SH3GLB2: variants seen among roughly 807,000 people sequenced by gnomAD.
SH3GLB2 encodes endophilin-B2.
Under a neutral mutation model 48.0 loss-of-function variants are expected in SH3GLB2, and 24 were observed. The ratio of observed to expected loss-of-function variants is 0.50; its 90% confidence interval spans 0.36 to 0.70. The LOEUF is 0.70. Ranked by LOEUF, SH3GLB2 falls within the 30% of genes least tolerant of loss-of-function variation. The probability of loss-of-function intolerance (pLI) is 0.00; values close to 1 mark genes in which losing one functional copy is unlikely to be tolerated. For missense variants in SH3GLB2, 425 were observed against 516.0 expected (o/e 0.82, Z 1.71); for synonymous variants, 227 against 207.6 (o/e 1.09, Z -0.80).
chr9:129,022,251 T>C (rs1588335143), intron 2 of SH3GLB2, 31 bp downstream of exon 2: 3 of 1,608,914 alleles, frequency 1.9e-6, no homozygotes, highest in Non-Finnish European at 2.5e-6. Flanking sequence ...CACGACTACA[T>C]CCCTCCCCGG....
chr9:129,010,034 TG>T, intron 8 of SH3GLB2, 85 bp downstream of exon 8: 2 of 1,460,074 alleles, frequency 1.4e-6, no homozygotes, highest in South Asian at 1.2e-5. Flanking sequence ...AGGGCCATTC[TG>T]GGGCAGCCCT....
intron 9 of SH3GLB2, 185 bp downstream of exon 9, chr9:129,009,586 G>A: frequency 6.6e-7 from 1 of 1,524,300 alleles, no homozygotes; most frequent in Admixed American, 2.0e-5. Context: ...CAGGGGACTT[G>A]GCCGTCAGTA....
At chr9:129,008,934 C>T in intron 10 of SH3GLB2, 143 bp from the exon 11 acceptor site, 1 of 1,319,208 alleles carries the variant, frequency 7.6e-7, no homozygotes, top group Non-Finnish European at 1.0e-6. Flanking sequence ...CTCACTTGCT[C>T]CAGAGACCCA....
chr9:129,026,848 G>A (rs1200573735), intron 1 of SH3GLB2, among the ~76,000 whole-genome samples: 4 of 152,212 alleles, frequency 2.6e-5, no homozygotes, highest in South Asian at 4.1e-4. Context: ...CTAGGGCTGG[G>A]GCTGCCCACC....
chr9:129,022,255 TCCCCG>T (rs772777458), intron 2 of SH3GLB2, 22 bp downstream of exon 2: 2 of 1,609,764 alleles, frequency 1.2e-6, no homozygotes, highest in East Asian at 2.2e-5. Flanking sequence ...ACTACATCCC[TCCCCG>T]GGCCCACGAA....
At position 129,028,184 on chromosome 9, in the gene SH3GLB2, C is replaced by A. The variant is rs766541874; in HGVS notation, c.-30G>T. ...TGCCCGCACGGCCGCCGCGCACGGC[C>A]CGAGCGCAGCCGGCAGCCCCCGGCC... On this transcript the variant is annotated 5_prime_UTR_variant, in exon 1 of 11. Coordinates refer to ENST00000372564, the MANE Select transcript of SH3GLB2 (RefSeq NM_020145.4). The A allele has an allele frequency of 7.5e-7, 1 of 1,327,244 alleles. No individual in the cohort carries two copies. The highest frequency in any genetic ancestry group is 9.7e-7 in the Non-Finnish European group (1 of 1,033,470). 82.2% of individuals were successfully genotyped at this position (1,327,244 alleles called of 1,614,324 possible). A position where few individuals can be genotyped will look rare whatever the true frequency, so the allele number is the denominator to read the frequency against.
At chr9:129,025,084 T>G (rs1277514234) in intron 1 of SH3GLB2, among the ~76,000 whole-genome samples, 1 of 149,998 alleles carries the variant, frequency 6.7e-6, no homozygotes, top group Non-Finnish European at 1.5e-5. Flanking sequence ...GAGACCAGCC[T>G]GGCTAACATA....
rs552504337 is a variant in SH3GLB2 at position 129,014,703 on chromosome 9, G to A, written c.468+68C>T. ...TAGCCCCAGCACTGGAAGAGAGCCT[G>A]TACTCAAAGGCTCTGAGGAGGGAAC... is the stretch of plus-strand genomic sequence containing the variant. On this transcript the variant is annotated intron_variant, in intron 4 of 10. Coordinates refer to ENST00000372564, the MANE Select transcript of SH3GLB2 (RefSeq NM_020145.4). This position sits in a 1 kb window ranked among gnomAD's most constrained non-coding sequence, Gnocchi z 4.1. The A allele has an allele frequency of 2.5e-6, 4 of 1,568,804 alleles. No individual in the cohort carries two copies. Among genetic ancestry groups the A allele is most frequent in the Middle Eastern group, 2.0e-4 (1 of 4,990 alleles).
rs573945738 is a variant in SH3GLB2 at position 129,014,329 on chromosome 9, A to G, written c.561+82T>C. The G allele has an allele frequency of 3.8e-6, 5 of 1,309,306 alleles. No individual in the cohort carries two copies. The East Asian group carries it at 1.3e-4, about 33-fold the overall frequency. 81.1% of individuals were successfully genotyped at this position (1,309,306 alleles called of 1,614,324 possible). On this transcript the variant is annotated intron_variant, in intron 5 of 10. Transcript: ENST00000372564. This position sits in a 1 kb window ranked among gnomAD's most constrained non-coding sequence, Gnocchi z 4.1. ...GGAGAGGGGAGAGAGGTCATGCCAA[A>G]TACCAGGTCCCTTCATGCCACCACC...
chr9:129,009,086 C>T lies in SH3GLB2; in HGVS notation c.1080+20G>A, dbSNP rs1842928547. On this transcript the variant is annotated intron_variant, in intron 10 of 10. Transcript: ENST00000372564. ...CCTCACCCAGCCCATTCCTGCCCCA[C>T]CTTGCGGCACCGGGCCCACCTCATC... The T allele has an allele frequency of 1.2e-6, 2 of 1,604,970 alleles. No homozygotes were observed. Among genetic ancestry groups the T allele is most frequent in the East Asian group, 2.2e-5 (1 of 44,890 alleles).
rs1785996189 is a variant in SH3GLB2, at chr9:129,014,690, T to C, written c.468+81A>G. ...CTCAGGAGTTTTGTAGCCCCAGCAC[T>C]GGAAGAGAGCCTGTACTCAAAGGCT... On this transcript the variant is annotated intron_variant, in intron 4 of 10. Transcript: ENST00000372564. This position sits in a 1 kb window ranked among gnomAD's most constrained non-coding sequence, Gnocchi z 4.1. 3.2e-6 allele frequency: 5 copies of C among 1,558,676 alleles called. No individual in the cohort carries two copies. The highest frequency in any genetic ancestry group is 2.4e-5 in the South Asian group (2 of 83,360).
intron 1 of SH3GLB2, among the ~76,000 whole-genome samples, chr9:129,026,462 C>G (rs1336983082): frequency 6.6e-6 from 1 of 152,166 alleles, no homozygotes; most frequent in African/African-American, 2.4e-5. Context: ...TGCTGGAGTC[C>G]GAGGCTGCTC....
chr9:129,010,813 C>G (rs115810197), intron 6 of SH3GLB2, 120 bp from the exon 7 acceptor site: 17 of 1,265,900 alleles, frequency 1.3e-5, no homozygotes, highest in Admixed American at 2.2e-5. Context: ...CCCTCTGCCC[C>G]CCCTCCCAAA....
Position 129,007,212 on chromosome 9 carries a change from CTGATGGA to C in SH3GLB2, c.*1465_*1471del. 2 of 152,354 alleles carry C rather than the reference CTGATGGA, an allele frequency of 1.3e-5. No individual in the cohort carries two copies. The highest frequency in any genetic ancestry group is 4.1e-4 in the South Asian group (2 of 4,824). 9.4% of individuals were successfully genotyped at this position (152,354 alleles called of 1,614,324 possible). Reference sequence around the variant, plus strand: ...CTGCAGCCTCGGGGGAAGGCAGGTACTGATGGATGGCTAGTTCACCAGCATCTCCTCA... The same window carrying C: ...CTGCAGCCTCGGGGGAAGGCAGGTACTGGCTAGTTCACCAGCATCTCCTCA... On this transcript the variant is annotated 3_prime_UTR_variant, in exon 11 of 11. Coordinates refer to ENST00000372564, the MANE Select transcript of SH3GLB2 (RefSeq NM_020145.4).
Position 129,014,589 on chromosome 9 carries a change from G to A in SH3GLB2, c.469-86C>T, listed in dbSNP as rs1322380406. 38 of 1,498,096 alleles carry A rather than the reference G, an allele frequency of 2.5e-5. No individual in the cohort carries two copies. The highest frequency in any genetic ancestry group is 1.7e-4 in the Middle Eastern group (1 of 5,862). 92.8% of individuals were successfully genotyped at this position (1,498,096 alleles called of 1,614,324 possible). On this transcript the variant is annotated intron_variant, in intron 4 of 10. Transcript: ENST00000372564. This position sits in a 1 kb window ranked among gnomAD's most constrained non-coding sequence, Gnocchi z 4.1. ...GCATGGCAAGATTGGTGCCGGGGAC[G>A]ATCAAGTCAAGATAGGGAAACTGAG...
chr9:129,014,324 G>A lies in SH3GLB2; in HGVS notation c.561+87C>T, dbSNP rs1843298881. 1 of 1,256,838 alleles carries A rather than the reference G, an allele frequency of 8.0e-7. No homozygotes were observed. Among genetic ancestry groups the A allele is most frequent in the South Asian group, 1.3e-5 (1 of 77,036 alleles). 77.9% of individuals were successfully genotyped at this position (1,256,838 alleles called of 1,614,324 possible). A position where few individuals can be genotyped will look rare whatever the true frequency, so the allele number is the denominator to read the frequency against. ...GCCAGGGAGAGGGGAGAGAGGTCAT[G>A]CCAAATACCAGGTCCCTTCATGCCA... is the stretch of plus-strand genomic sequence containing the variant. On this transcript the variant is annotated intron_variant, in intron 5 of 10. Transcript: ENST00000372564. The surrounding 1 kb of genome is among the most constrained non-coding windows in gnomAD (Gnocchi z 4.1).
chr9:129,017,539 G>A (rs905115394), intron 3 of SH3GLB2, among the ~76,000 whole-genome samples: 51 of 151,928 alleles, frequency 3.4e-4, no homozygotes, highest in Non-Finnish European at 2.4e-4. Context: ...TAAGGCAGGC[G>A]GATCACTTGA....
chr9:129,014,036 C>T lies in SH3GLB2; in HGVS notation c.561+375G>A, dbSNP rs954037781. 10 of 486,650 alleles carry T rather than the reference C, an allele frequency of 2.1e-5. No individual in the cohort carries two copies. Among genetic ancestry groups the T allele is most frequent in the Middle Eastern group, 3.1e-4 (1 of 3,266 alleles). 30.1% of individuals were successfully genotyped at this position (486,650 alleles called of 1,614,324 possible). A position where few individuals can be genotyped will look rare whatever the true frequency, so the allele number is the denominator to read the frequency against. ...CTGAGCACAGGGACCCTCGGCCTGA[C>T]GTTCAAGCAGCAAGTAGTAGAGTTA... On this transcript the variant is annotated intron_variant, in intron 5 of 10. Coordinates refer to ENST00000372564, the MANE Select transcript of SH3GLB2 (RefSeq NM_020145.4). This position sits in a 1 kb window ranked among gnomAD's most constrained non-coding sequence, Gnocchi z 4.1.
intron 7 of SH3GLB2, 162 bp downstream of exon 7, chr9:129,010,508 T>C: frequency 1.3e-6 from 1 of 792,340 alleles, no homozygotes; most frequent in South Asian, 1.7e-5. Flanking sequence ...GAGAAAACAT[T>C]TCCCCACAGA....
Sources: gnomAD v4.1 joint callset for allele counts (sites outside exome capture counted in the v4.1 genomes callset) on GRCh38, gnomAD v4.1.1 for gene constraint, Gnocchi (gnomAD v3.1) non-coding constraint, MANE v1.5 for transcripts, NCBI Gene and HGNC (gene_info 2026-07-23, HGNC 2026-07-21) for gene names.